Variants in GAB2 observed in about 807,000 individuals in gnomAD.
GAB2 encodes GRB2 associated binding protein 2.
A neutral mutation model predicts 65.5 loss-of-function variants in GAB2; 26 were observed. That is an observed-to-expected ratio of 0.40 (90% CI 0.29 to 0.55). The LOEUF (loss-of-function observed/expected upper bound fraction) is 0.55. GAB2 is among the 20% of genes least tolerant of loss of function. GAB2 has a pLI of 0.53. For missense variants in GAB2, 884 were observed against 875.8 expected, an observed-to-expected ratio of 1.01 and a Z score of -0.12; for synonymous variants, 321 against 329.6, an observed-to-expected ratio of 0.97 and a Z score of 0.28.
chr11:78,277,800 T>C (rs1438081539), intron 2 of GAB2, among the ~76,000 whole-genome samples: 6 of 152,224 alleles, frequency 3.9e-5, no homozygotes, highest in Admixed American at 3.3e-4. Context: ...GGTCAAACAG[T>C]GCACTGAAAT....
chr11:78,281,008 C>T, intron 1 of GAB2, 107 bp from the exon 2 acceptor site: 2 of 857,636 alleles, frequency 2.3e-6, no homozygotes, highest in East Asian at 5.0e-5. Flanking sequence ...GGCTGGAGTG[C>T]AGTGGCACAA....
At chr11:78,388,729 G>A (rs1312393059) in intron 1 of GAB2, among the ~76,000 whole-genome samples, 1 of 152,114 alleles carries the variant, frequency 6.6e-6, no homozygotes, top group African/African-American at 2.4e-5. Context: ...CAGAGCTATG[G>A]ATATCCTTAG....
intron 1 of GAB2, among the ~76,000 whole-genome samples, chr11:78,362,758 T>C (rs947921487): frequency 2.0e-5 from 3 of 152,048 alleles, no homozygotes; most frequent in Non-Finnish European, 4.4e-5. Context: ...CACAGGTAGG[T>C]TGAAATCAAA....
At chr11:78,258,109 CA>C (rs1270162569) in intron 2 of GAB2, among the ~76,000 whole-genome samples, 5 of 152,106 alleles carry the variant, frequency 3.3e-5, no homozygotes, top group Admixed American at 6.5e-5. Context: ...TCTCTATTTA[CA>C]AAAAGAAGAG....
intron 1 of GAB2, among the ~76,000 whole-genome samples, chr11:78,297,985 T>A (rs368331455): frequency 1.3e-5 from 2 of 152,190 alleles, no homozygotes; most frequent in African/African-American, 4.8e-5. Flanking sequence ...CAGGGAACTT[T>A]CACATTTTAA....
intron 1 of GAB2, among the ~76,000 whole-genome samples, chr11:78,295,250 A>G (rs780050705): frequency 1.3e-5 from 2 of 152,176 alleles, no homozygotes; most frequent in African/African-American, 2.4e-5. Flanking sequence ...GGCCAGATTT[A>G]GATTTTCCCC....
rs1268622667 is a variant in GAB2, at chr11:78,328,440, A to C, written c.76-47539T>G. Among the ~76,000 whole-genome samples, 3 of 152,202 alleles carry C rather than the reference A, an allele frequency of 2.0e-5. No individual in the cohort carries two copies. In the East Asian group the frequency reaches 5.8e-4, roughly 29 times the overall value. On this transcript the variant is annotated intron_variant, in intron 1 of 9. Coordinates refer to ENST00000361507, the MANE Select transcript of GAB2 (RefSeq NM_080491.3). ...CCATCTTCTCAGTTCTTCTGTAATA[A>C]AACTGACAAAAAGTCTATTAAAAAT...
intron 1 of GAB2, among the ~76,000 whole-genome samples, chr11:78,339,881 C>T (rs1038627497): frequency 1.3e-5 from 2 of 152,200 alleles, no homozygotes; most frequent in African/African-American, 2.4e-5. Context: ...CTCTAAGGCC[C>T]CTTCCAACCA....
At chr11:78,271,523 C>A (rs1379635963) in intron 2 of GAB2, among the ~76,000 whole-genome samples, 1 of 152,132 alleles carries the variant, frequency 6.6e-6, no homozygotes, top group Non-Finnish European at 1.5e-5. Context: ...CTTGAACCTG[C>A]AGGTTTTATC....
chr11:78,391,741 T>C (rs976114042), intron 1 of GAB2, among the ~76,000 whole-genome samples: 3 of 152,210 alleles, frequency 2.0e-5, no homozygotes, highest in Non-Finnish European at 2.9e-5. Context: ...GCCTTCCCAG[T>C]TGGGGCCCCA....
rs1316630587 is a variant in GAB2, at chr11:78,280,706, T to C, written c.271A>G (p.Ser91Gly). 8.7e-6 allele frequency: 14 copies of C among 1,614,016 alleles called. No homozygotes were observed. The highest frequency in any genetic ancestry group is 1.3e-5 in the African/African-American group (1 of 74,930). Reference sequence around the variant, plus strand: ...GCCACCAGGTAAAAGGTGCGTTCACTGGTCTTGATGTCAAACACAAAACTA... The same window carrying C: ...GCCACCAGGTAAAAGGTGCGTTCACCGGTCTTGATGTCAAACACAAAACTA... ...QDSFVFDIKT[S>G]ERTFYLVAET... Residue 91 changes from serine (S) to glycine (G), a missense_variant, in exon 2 of 10, where the codon AGT (serine) becomes GGT (glycine). Transcript: ENST00000361507.
At chr11:78,271,159 CT>C (rs772228450) in intron 2 of GAB2, among the ~76,000 whole-genome samples, 4 of 152,226 alleles carry the variant, frequency 2.6e-5, no homozygotes, top group Non-Finnish European at 5.9e-5. Context: ...AGAGATGGCT[CT>C]TTTTGTGTGT....
rs114278761 is a variant in GAB2 at position 78,325,515 on chromosome 11, G to A, written c.76-44614C>T. Among the ~76,000 whole-genome samples the A allele has an allele frequency of 9.1e-3, 1,381 of 152,222 alleles. 16 individuals are homozygous for A. Among genetic ancestry groups the A allele is most frequent in the African/African-American group, 0.029 (1,212 of 41,530 alleles). ...TCTATTAATAATATTGAACAACACC[G>A]GAATGACAAAGATCCCTAAGCAAGA... On this transcript the variant is annotated intron_variant, in intron 1 of 9. Transcript: ENST00000361507.
At chr11:78,272,884 G>A (rs1866054616) in intron 2 of GAB2, among the ~76,000 whole-genome samples, 1 of 152,224 alleles carries the variant, frequency 6.6e-6, no homozygotes, top group Non-Finnish European at 1.5e-5. Flanking sequence ...TTGGTGCCCT[G>A]TGTCCCAGTC....
intron 1 of GAB2, among the ~76,000 whole-genome samples, chr11:78,377,021 T>C (rs1856639808): frequency 6.6e-6 from 1 of 152,202 alleles, no homozygotes; most frequent in Non-Finnish European, 1.5e-5. Context: ...CTGCTTTCGC[T>C]GTGTGATGTG....
chr11:78,373,419 TAG>T (rs1478430540), intron 1 of GAB2, among the ~76,000 whole-genome samples: 1 of 152,070 alleles, frequency 6.6e-6, no homozygotes, highest in African/African-American at 2.4e-5. Context: ...TGTATTTTAG[TAG>T]AGATGGGAGT....
In GAB2 at chr11:78,219,299, T is replaced by G; in HGVS notation, c.2004A>C (p.Ser668=). Reference sequence around the variant, plus strand: ...ACAGCTTGGCACCCTTGGAAGGCTCTGAGGACTGCCGCACGTCTGTCCACT... The same window carrying G: ...ACAGCTTGGCACCCTTGGAAGGCTCGGAGGACTGCCGCACGTCTGTCCACT... The part of the protein sequence containing the change: ...MQEWTDVRQS[S]EPSKGAKL The change falls in exon 10 of 10, where the codon TCA becomes TCC. Residue 668 remains serine (S), a synonymous_variant. Coordinates refer to ENST00000361507, the MANE Select transcript of GAB2 (RefSeq NM_080491.3). The G allele has an allele frequency of 1.2e-6, 2 of 1,613,510 alleles. 1 individual carries two copies. The highest frequency in any genetic ancestry group is 3.4e-4 in the Middle Eastern group (2 of 5,954).
chr11:78,261,827 T>C (rs1336892427), intron 2 of GAB2, among the ~76,000 whole-genome samples: 3 of 152,200 alleles, frequency 2.0e-5, no homozygotes, highest in Non-Finnish European at 1.5e-5. Flanking sequence ...CCGAGGAACT[T>C]TGGGAACCCA....
chr11:78,223,135 C>A (rs960375264), intron 6 of GAB2, among the ~76,000 whole-genome samples: 1 of 152,168 alleles, frequency 6.6e-6, no homozygotes, highest in African/African-American at 2.4e-5. Context: ...TTGTAGCAGA[C>A]GAGGACCTTG....
Sources: gnomAD v4.1 joint callset for allele counts (sites outside exome capture counted in the v4.1 genomes callset) on GRCh38, gnomAD v4.1.1 for gene constraint, MANE v1.5 for transcripts, NCBI Gene and HGNC (gene_info 2026-07-23, HGNC 2026-07-21) for gene names.